The following GRIK2 variants were observed in gnomAD, a reference collection of about 807,000 sequenced individuals.
GRIK2 encodes glutamate ionotropic receptor kainate type subunit 2.
Under a neutral mutation model 100.3 loss-of-function variants are expected in GRIK2, and 32 were observed. The observed-to-expected ratio is 0.32, with a 90% CI of 0.24 to 0.43. GRIK2 has a LOEUF of 0.43. GRIK2 is among the 20% of genes least tolerant of loss of function. The probability of loss-of-function intolerance (pLI) is 1.00; values close to 1 mark genes in which losing one functional copy is unlikely to be tolerated. For synonymous variants in GRIK2, 417 were observed against 389.4 expected, an observed-to-expected ratio of 1.07 and a Z score of -0.83; for missense variants, 843 against 1,114.9, an observed-to-expected ratio of 0.76 and a Z score of 3.47.
Position 101,488,254 on chromosome 6 carries a change from G to A in GRIK2, c.115+88862G>A, listed in dbSNP as rs1407662990. On this transcript the variant is annotated intron_variant, in intron 2 of 16. Coordinates refer to ENST00000369134, the MANE Select transcript of GRIK2 (RefSeq NM_021956.5). Reference sequence around the variant, plus strand: ...AGAATGCTTAAGAAAAGCTTTAAAAGTCCTCTCTAGTAGTAGAAGTATAAC... The same window carrying A: ...AGAATGCTTAAGAAAAGCTTTAAAAATCCTCTCTAGTAGTAGAAGTATAAC... Among the ~76,000 whole-genome samples the A allele has an allele frequency of 4.1e-5, 6 of 146,472 alleles. 1 individual carries two copies. Among genetic ancestry groups the A allele is most frequent in the Non-Finnish European group, 6.0e-5 (4 of 66,536 alleles).
chr6:101,659,989 CTG>C (rs1160096907), intron 4 of GRIK2, among the ~76,000 whole-genome samples: 1 of 152,106 alleles, frequency 6.6e-6, no homozygotes, highest in African/African-American at 2.4e-5. Flanking sequence ...GTGGTGTTCT[CTG>C]TGTTTCCTGA....
intron 14 of GRIK2, among the ~76,000 whole-genome samples, chr6:101,971,958 G>C (rs1310004347): frequency 6.6e-6 from 1 of 151,820 alleles, no homozygotes; most frequent in East Asian, 1.9e-4. Flanking sequence ...AGTATTCCAA[G>C]GTATATATGC....
intron 1 of GRIK2, among the ~76,000 whole-genome samples, chr6:101,397,873 CAA>C (rs1775075198): frequency 6.6e-6 from 1 of 151,268 alleles, no homozygotes; most frequent in Admixed American, 6.6e-5. Flanking sequence ...AAAATGTTGA[CAA>C]TATATATTTA....
chr6:101,541,377 CACACACACA>C (rs1299998772), intron 2 of GRIK2, among the ~76,000 whole-genome samples: 1,749 of 145,294 alleles, frequency 0.012, 31 homozygotes, highest in Non-Finnish European at 0.016. Flanking sequence ...CGCACACAAC[CACACACACA>C]CACACACACA....
intron 9 of GRIK2, among the ~76,000 whole-genome samples, chr6:101,811,850 A>G (rs748721773): frequency 4.6e-5 from 7 of 151,758 alleles, no homozygotes; most frequent in Non-Finnish European, 1.0e-4. Flanking sequence ...CAAATAAACA[A>G]TAAAGAAGCA....
chr6:101,550,358 T>C (rs772730804), intron 2 of GRIK2, among the ~76,000 whole-genome samples: 20 of 152,194 alleles, frequency 1.3e-4, no homozygotes, highest in Non-Finnish European at 1.6e-4. Context: ...CTGTTCTCTT[T>C]CCTTTGAGAA....
chr6:101,411,631 A>C (rs375569289), intron 2 of GRIK2, among the ~76,000 whole-genome samples: 1 of 152,138 alleles, frequency 6.6e-6, no homozygotes, highest in South Asian at 2.1e-4. Flanking sequence ...CGGAATTAGC[A>C]GTTGATAATC....
At chr6:101,547,507 C>T (rs1159109486) in intron 2 of GRIK2, among the ~76,000 whole-genome samples, 1 of 152,150 alleles carries the variant, frequency 6.6e-6, no homozygotes, top group Non-Finnish European at 1.5e-5. Context: ...CTGTGATGTT[C>T]CCCTTCCTGT....
intron 11 of GRIK2, among the ~76,000 whole-genome samples, chr6:101,865,194 C>A (rs2128445741): frequency 6.6e-6 from 1 of 152,288 alleles, no homozygotes; most frequent in East Asian, 1.9e-4. Context: ...AATGGGAAGT[C>A]TGTTGGAATC....
intron 2 of GRIK2, among the ~76,000 whole-genome samples, chr6:101,465,367 T>C (rs1341450148): frequency 6.6e-6 from 1 of 152,208 alleles, no homozygotes; most frequent in Admixed American, 6.5e-5. Flanking sequence ...GAGAACGTGG[T>C]ATTTCACCTT....
chr6:101,483,385 G>A (rs1486268175), intron 2 of GRIK2, among the ~76,000 whole-genome samples: 1 of 152,200 alleles, frequency 6.6e-6, no homozygotes, highest in East Asian at 1.9e-4. Flanking sequence ...TTAGTAGTGG[G>A]TTCAAATATG....
At chr6:101,566,921 A>G (rs917369006) in intron 2 of GRIK2, among the ~76,000 whole-genome samples, 1 of 150,614 alleles carries the variant, frequency 6.6e-6, no homozygotes, top group Non-Finnish European at 1.5e-5. Context: ...TTAAATACAT[A>G]CATTTTCTAT....
intron 12 of GRIK2, among the ~76,000 whole-genome samples, chr6:101,904,286 A>T (rs1194718430): frequency 6.6e-6 from 1 of 151,520 alleles, no homozygotes; most frequent in Non-Finnish European, 1.5e-5. Flanking sequence ...GCTGATGTAC[A>T]TGGAAGCATA....
In GRIK2 at chr6:101,494,322, C is replaced by A. The variant is rs555958188; in HGVS notation, c.115+94930C>A. On this transcript the variant is annotated intron_variant, in intron 2 of 16. Transcript: ENST00000369134. ...CATTTTGAAAAATTCTACTCAAAGACCCATTCTGAATCAGTCCAGAGTGAT... is the reference window on the plus strand; with the variant it reads ...CATTTTGAAAAATTCTACTCAAAGAACCATTCTGAATCAGTCCAGAGTGAT... Among the ~76,000 whole-genome samples the A allele has an allele frequency of 1.1e-3, 165 of 151,358 alleles. 2 individuals carry two copies. Among genetic ancestry groups the A allele is most frequent in the Non-Finnish European group, 1.7e-3 (118 of 67,802 alleles).
At chr6:102,006,388 A>ATTTTTTTTTTTT (rs1391488839) in intron 14 of GRIK2, among the ~76,000 whole-genome samples, 6 of 111,920 alleles carry the variant, frequency 5.4e-5, no homozygotes, top group African/African-American at 3.2e-4. Flanking sequence ...ATATATATAT[A>ATTTTTTTTTTTT]TATTTTTTTT....
intron 14 of GRIK2, among the ~76,000 whole-genome samples, chr6:101,935,371 A>T (rs1417173): frequency 0.034 from 5,227 of 151,896 alleles, 321 homozygotes; most frequent in African/African-American, 0.12. Context: ...TTTCTCAGAG[A>T]TGTATTTTAT....
chr6:101,851,293 G>A (rs903376037), intron 10 of GRIK2, among the ~76,000 whole-genome samples: 7 of 151,966 alleles, frequency 4.6e-5, no homozygotes, highest in Non-Finnish European at 7.4e-5. Context: ...GGACAAGTTA[G>A]AGTAATAAGA....
chr6:101,401,089 C>T (rs1050106368), intron 2 of GRIK2, among the ~76,000 whole-genome samples: 1 of 152,080 alleles, frequency 6.6e-6, no homozygotes, highest in Non-Finnish European at 1.5e-5. Flanking sequence ...CCCAATATTT[C>T]GAGTATTTCA....
chr6:101,684,856 A>G (rs1771563514), intron 6 of GRIK2, among the ~76,000 whole-genome samples: 1 of 151,646 alleles, frequency 6.6e-6, no homozygotes. Context: ...ATTCTTCTTG[A>G]CCTCCAGGTA....
Sources: allele counts gnomAD v4.1 joint callset (sites outside exome capture counted in the v4.1 genomes callset), GRCh38; gene constraint gnomAD v4.1.1; transcripts MANE v1.5; gene names NCBI Gene and HGNC (gene_info 2026-07-23, HGNC 2026-07-21).